The following COG5 variants were observed in gnomAD, a reference collection of about 807,000 sequenced individuals.
The protein encoded by COG5 is conserved oligomeric Golgi complex subunit 5.
In COG5, 86 loss-of-function variants were observed where a neutral mutation model predicts 110.4. The ratio of observed to expected loss-of-function variants is 0.78; its 90% confidence interval spans 0.65 to 0.93. The LOEUF (loss-of-function observed/expected upper bound fraction) is 0.93. Among genes scored for constraint, COG5 ranks in the 40% least tolerant of loss-of-function variants. COG5 has a pLI of 0.00. For missense variants in COG5, 1,077 were observed against 987.0 expected, an observed-to-expected ratio of 1.09 and a Z score of -1.22; for synonymous variants, 360 against 334.6, an observed-to-expected ratio of 1.08 and a Z score of -0.83.
At chr7:107,293,903 C>T (rs1044135701) in intron 12 of COG5, among the ~76,000 whole-genome samples, 5 of 151,968 alleles carry the variant, frequency 3.3e-5, no homozygotes, top group African/African-American at 1.2e-4. Context: ...GAAACTCTGT[C>T]TCTACTAAAA....
chr7:107,240,079 C>T (rs1461627323), intron 17 of COG5, among the ~76,000 whole-genome samples: 1 of 152,148 alleles, frequency 6.6e-6, no homozygotes, highest in African/African-American at 2.4e-5. Flanking sequence ...ACATGGACTG[C>T]AACAATTTTA....
intron 6 of COG5, among the ~76,000 whole-genome samples, chr7:107,419,533 G>C (rs1584799902): frequency 6.6e-6 from 1 of 151,310 alleles, no homozygotes; most frequent in Admixed American, 6.6e-5. Context: ...AATAGAGAAA[G>C]GCATCATCAT....
At chr7:107,370,686 T>C (rs1814064441) in intron 8 of COG5, among the ~76,000 whole-genome samples, 3 of 150,168 alleles carry the variant, frequency 2.0e-5, no homozygotes. Context: ...TTCAGGAGGC[T>C]GAGACAGGCG....
At chr7:107,254,975 G>A (rs1486813982) in intron 16 of COG5, among the ~76,000 whole-genome samples, 1 of 152,128 alleles carries the variant, frequency 6.6e-6, no homozygotes, top group African/African-American at 2.4e-5. Flanking sequence ...ATAAGGATAA[G>A]TATTACTTTG....
rs573878623 is a variant in COG5, at chr7:107,332,023, A to G, written c.1027-7502T>C. 2.0e-3 allele frequency among the ~76,000 whole-genome samples: 304 copies of G among 151,940 alleles called. 2 individuals carry two copies. Among genetic ancestry groups the G allele is most frequent in the African/African-American group, 6.9e-3 (287 of 41,432 alleles). On this transcript the variant is annotated intron_variant, in intron 10 of 21. Transcript: ENST00000297135. ...GCTACCACGCCCAGATAATTTTTGT[A>G]TTTTTAGTAGAGATGCGGTTTCGCC...
intron 11 of COG5, among the ~76,000 whole-genome samples, chr7:107,300,045 A>G (rs1035135520): frequency 2.6e-5 from 4 of 151,700 alleles, no homozygotes; most frequent in African/African-American, 9.7e-5. Flanking sequence ...AAATCAATCA[A>G]TGTGATTCAT....
chr7:107,320,762 AT>A, intron 11 of COG5, among the ~76,000 whole-genome samples: 1 of 152,340 alleles, frequency 6.6e-6, no homozygotes, highest in Middle Eastern at 3.4e-3. Context: ...ACACTGTAAA[AT>A]GAGACCCTCT....
intron 10 of COG5, among the ~76,000 whole-genome samples, chr7:107,328,909 C>T (rs1051155557): frequency 6.6e-6 from 1 of 152,150 alleles, no homozygotes; most frequent in Non-Finnish European, 1.5e-5. Context: ...CAACCTCCGC[C>T]TCCCGGGCTC....
At chr7:107,322,170 A>G (rs894928887) in intron 11 of COG5, among the ~76,000 whole-genome samples, 1 of 152,154 alleles carries the variant, frequency 6.6e-6, no homozygotes, top group East Asian at 1.9e-4. Context: ...GTTGAAACCT[A>G]CTCACCAAAT....
intron 6 of COG5, among the ~76,000 whole-genome samples, chr7:107,433,423 CA>C (rs1257068149): frequency 6.6e-6 from 1 of 152,098 alleles, no homozygotes; most frequent in Non-Finnish European, 1.5e-5. Context: ...CTGCTGGCTT[CA>C]AAACATATTA....
chr7:107,327,139 A>G (rs1809838995), intron 10 of COG5, among the ~76,000 whole-genome samples: 1 of 152,156 alleles, frequency 6.6e-6, no homozygotes, highest in Non-Finnish European at 1.5e-5. Context: ...AAAATAAACG[A>G]TCAAGTATAC....
chr7:107,416,561 A>C (rs1347852948), intron 6 of COG5, among the ~76,000 whole-genome samples: 1 of 152,194 alleles, frequency 6.6e-6, no homozygotes, highest in Non-Finnish European at 1.5e-5. Flanking sequence ...ATTATAACTT[A>C]TATATGTTAA....
chr7:107,357,867 C>T (rs1048060582), intron 10 of COG5, among the ~76,000 whole-genome samples: 1 of 152,124 alleles, frequency 6.6e-6, no homozygotes, highest in African/African-American at 2.4e-5. Context: ...TGTGGTCTCC[C>T]TATGTTGCCC....
chr7:107,228,237 G>T (rs1800506209), intron 19 of COG5, among the ~76,000 whole-genome samples: 1 of 148,950 alleles, frequency 6.7e-6, no homozygotes, highest in African/African-American at 2.5e-5. Context: ...CAAGGTGGAG[G>T]TTGCAGTAAG....
Position 107,202,265 on chromosome 7 carries a change from C to G in COG5, c.*1251G>C, listed in dbSNP as rs1408127330. ...CTTTATGGTGGGGGCAGACTTTGCA[C>G]TTACTGCAGTGCAACACTTGCACTT... On this transcript the variant is annotated 3_prime_UTR_variant, in exon 22 of 22. Transcript: ENST00000297135. 1 of 152,624 alleles carries G rather than the reference C, an allele frequency of 6.6e-6. No individual in the cohort carries two copies. Among genetic ancestry groups the G allele is most frequent in the Non-Finnish European group, 1.5e-5 (1 of 68,028 alleles). The allele number at this position is 152,624 out of a possible 1,614,324, so 9.5% of individuals were successfully genotyped here. A position where few individuals can be genotyped will look rare whatever the true frequency, so the allele number is the denominator to read the frequency against.
In COG5 at chr7:107,374,852, G is replaced by A. The variant is rs114506267; in HGVS notation, c.670-2092C>T. ...ATAGCTTAACACATAGATTATGCCA[G>A]TAAAAAAACTGCAAAATAATTACCT... On this transcript the variant is annotated intron_variant, in intron 7 of 21. Transcript: ENST00000297135. Among the ~76,000 whole-genome samples the A allele has an allele frequency of 5.4e-3, 826 of 151,876 alleles. 9 individuals carry two copies. The highest frequency in any genetic ancestry group is 0.019 in the African/African-American group (804 of 41,460).
chr7:107,510,477 T>G (rs538130365), intron 6 of COG5, among the ~76,000 whole-genome samples: 1 of 152,118 alleles, frequency 6.6e-6, no homozygotes, highest in Admixed American at 6.5e-5. Context: ...CTGTCAACAT[T>G]AGACAGATCA....
intron 19 of COG5, 90 bp from the exon 20 acceptor site, chr7:107,211,315 T>C: frequency 2.1e-6 from 3 of 1,449,846 alleles, no homozygotes; most frequent in Non-Finnish European, 2.9e-6. Context: ...AGAATAGCAT[T>C]TTTCCTAGAT....
chr7:107,420,223 C>T (rs1039227143), intron 6 of COG5, among the ~76,000 whole-genome samples: 1 of 152,092 alleles, frequency 6.6e-6, no homozygotes, highest in Non-Finnish European at 1.5e-5. Flanking sequence ...TTCTGAGACT[C>T]CAACAGTGAA....
Sources: gnomAD v4.1 joint callset for allele counts (sites outside exome capture counted in the v4.1 genomes callset) on GRCh38, gnomAD v4.1.1 for gene constraint, MANE v1.5 for transcripts, NCBI Gene and HGNC (gene_info 2026-07-23, HGNC 2026-07-21) for gene names.